GARS1: variants seen among roughly 807,000 people sequenced by gnomAD.
GARS1 encodes the protein glycine--tRNA ligase.
In GARS1, 46 loss-of-function variants were observed where a neutral mutation model predicts 86.4. The ratio of observed to expected loss-of-function variants is 0.53; its 90% CI spans 0.42 to 0.68. GARS1 has a LOEUF of 0.68. Among genes scored for constraint, GARS1 ranks in the 30% least tolerant of loss-of-function variants. GARS1 has a pLI of 0.00. For synonymous variants in GARS1, 342 were observed against 329.8 expected (o/e 1.04, Z -0.40); for missense variants, 797 against 915.6 (o/e 0.87, Z 1.67).
chr7:30,624,073 C>T lies in GARS1; in HGVS notation c.1613+1611C>T, dbSNP rs560389485. ...CTTTTGATGCTGCCCAACACAAATTCGTAAACTTTCAAAAAACATTATGAG... is the reference window on the plus strand; with the variant it reads ...CTTTTGATGCTGCCCAACACAAATTTGTAAACTTTCAAAAAACATTATGAG... On this transcript the variant is annotated intron_variant, in intron 12 of 16. Coordinates refer to ENST00000389266, the MANE Select transcript of GARS1 (RefSeq NM_002047.4). 3.3e-5 allele frequency among the ~76,000 whole-genome samples: 5 copies of T among 152,242 alleles called. No homozygotes were observed. The South Asian group carries it at 1.0e-3, about 32-fold the overall frequency.
intron 1 of GARS1, among the ~76,000 whole-genome samples, chr7:30,597,838 G>C (rs1229756015): frequency 2.0e-5 from 3 of 152,042 alleles, no homozygotes; most frequent in African/African-American, 7.2e-5. Context: ...GGTGCCCAAG[G>C]GCTATATCAA....
chr7:30,625,764 A>C (rs1311268066), intron 12 of GARS1, among the ~76,000 whole-genome samples: 3 of 152,198 alleles, frequency 2.0e-5, no homozygotes, highest in Admixed American at 2.0e-4. Flanking sequence ...AAATGTCCAA[A>C]TTTATTTTGA....
At chr7:30,631,909 T>G in intron 15 of GARS1, 1 of 394,192 alleles carries the variant, frequency 2.5e-6, no homozygotes, top group Non-Finnish European at 4.8e-6. Context: ...ATCTGGCACA[T>G]CCACTTATTT....
chr7:30,601,030 A>C (rs1791364146), intron 3 of GARS1, 29 bp from the exon 4 acceptor site: 1 of 1,611,232 alleles, frequency 6.2e-7, no homozygotes, highest in Non-Finnish European at 8.5e-7. Flanking sequence ...AACAAGGTAA[A>C]GTATGTGTTT....
chr7:30,616,088 T>C (rs1782885322), intron 9 of GARS1, 30 bp downstream of exon 9: 3 of 1,613,314 alleles, frequency 1.9e-6, no homozygotes, highest in Non-Finnish European at 2.5e-6. Flanking sequence ...TTAACTTAGA[T>C]TGTGCCTGTT....
intron 10 of GARS1, among the ~76,000 whole-genome samples, chr7:30,618,466 T>C (rs1186685095): frequency 6.6e-6 from 1 of 152,114 alleles, no homozygotes; most frequent in African/African-American, 2.4e-5. Flanking sequence ...AGACCCTGTC[T>C]CTACAAAAAA....
chr7:30,595,866 A>G (rs768762912), intron 1 of GARS1: 7 of 471,068 alleles, frequency 1.5e-5, no homozygotes, highest in Admixed American at 1.2e-4. Flanking sequence ...AACCTGGGAA[A>G]CTAAGTGTTG....
At chr7:30,621,266 G>T in intron 10 of GARS1, 127 bp from the exon 11 acceptor site, 1 of 818,922 alleles carries the variant, frequency 1.2e-6, no homozygotes, top group South Asian at 1.4e-5. Flanking sequence ...TATGAAATTT[G>T]AATGAAGATT....
Position 30,612,165 on chromosome 7 carries a change from A to C in GARS1, c.951A>C (p.Gly317=). ...AACGACTTTTGGAGTTCAACCAAGG[A>C]AAGTTGCCTTTTGCTGCTGCCCAGA... ...NFKRLLEFNQ[G]KLPFAAAQIG... The change falls in exon 8 of 17, where the codon GGA becomes GGC. Residue 317 remains glycine, a synonymous_variant. Coordinates refer to ENST00000389266, the MANE Select transcript of GARS1 (RefSeq NM_002047.4). 1 of 1,614,080 alleles carries C rather than the reference A, an allele frequency of 6.2e-7. No homozygotes were observed. The highest frequency in any genetic ancestry group is 2.2e-5 in the East Asian group (1 of 44,870).
intron 1 of GARS1, among the ~76,000 whole-genome samples, chr7:30,597,206 C>T (rs1196516503): frequency 2.0e-5 from 3 of 152,130 alleles, no homozygotes; most frequent in South Asian, 2.1e-4. Flanking sequence ...GGATAATCTG[C>T]GTAACTCAGT....
rs774076531 is a variant in GARS1, at chr7:30,609,653, T to A, written c.804T>A (p.Thr268=). 1 of 1,613,342 alleles carries A rather than the reference T, an allele frequency of 6.2e-7. No individual in the cohort carries two copies. The highest frequency in any genetic ancestry group is 8.5e-7 in the Non-Finnish European group (1 of 1,179,322). ...ACTATAATGTAAAATCTCCCATTAC[T>A]GGAAATGATCTATCCCCTCCAGTGT... ...FVNYNVKSPI[T]GNDLSPPVSF... The change falls in exon 7 of 17, where the codon ACT becomes ACA. Residue 268 remains threonine, a synonymous_variant. Transcript: ENST00000389266.
intron 6 of GARS1, among the ~76,000 whole-genome samples, chr7:30,603,774 A>G (rs1791428865): frequency 6.6e-6 from 1 of 152,146 alleles, no homozygotes; most frequent in South Asian, 2.1e-4. Flanking sequence ...TTTCAGCCCA[A>G]ACTAACAAGT....
intron 7 of GARS1, 136 bp from the exon 8 acceptor site, chr7:30,611,960 C>T: frequency 2.5e-6 from 2 of 800,418 alleles, no homozygotes; most frequent in Non-Finnish European, 4.3e-6. Flanking sequence ...ATTTCTAAAA[C>T]TTCATTTTAG....
At chr7:30,623,419 TTTA>T (rs1230314655) in intron 12 of GARS1, among the ~76,000 whole-genome samples, 1 of 152,160 alleles carries the variant, frequency 6.6e-6, no homozygotes, top group East Asian at 1.9e-4. Context: ...ACACATGTTT[TTTA>T]TATATATAAA....
chr7:30,632,837 A>G lies in GARS1; in HGVS notation c.2094+400A>G, dbSNP rs1783263664. ...TATGTATAAGCTTTTCCGTGTTCATATATTCAAAACAGTGAATCATGTTTC... is the reference window on the plus strand; with the variant it reads ...TATGTATAAGCTTTTCCGTGTTCATGTATTCAAAACAGTGAATCATGTTTC... On this transcript the variant is annotated intron_variant, in intron 16 of 16. Coordinates refer to ENST00000389266, the MANE Select transcript of GARS1 (RefSeq NM_002047.4). The surrounding 1 kb of genome is among the most constrained non-coding windows in gnomAD (Gnocchi z 4.1). Among the ~76,000 whole-genome samples the G allele has an allele frequency of 1.3e-5, 2 of 152,326 alleles. No homozygotes were observed. Among genetic ancestry groups the G allele is most frequent in the East Asian group, 1.9e-4 (1 of 5,188 alleles).
chr7:30,601,261 T>C (rs1339211884), intron 4 of GARS1, 61 bp downstream of exon 4: 7 of 1,352,198 alleles, frequency 5.2e-6, no homozygotes, highest in Non-Finnish European at 7.1e-6. Context: ...ATTAAATTAT[T>C]TAATATACTT....
chr7:30,611,946 A>G, intron 7 of GARS1, 150 bp from the exon 8 acceptor site: 1 of 741,192 alleles, frequency 1.3e-6, no homozygotes, highest in Admixed American at 2.2e-5. Context: ...CTACCGAGGA[A>G]AATATTTCTA....
chr7:30,632,626 A>T lies in GARS1; in HGVS notation c.2094+189A>T, dbSNP rs1019766833. ...TTTAATTATGAAAATATCCATTAGC[A>T]CTTCTCTAATATTTTATAAACATTT... On this transcript the variant is annotated intron_variant, in intron 16 of 16. Transcript: ENST00000389266. The surrounding 1 kb of genome is among the most constrained non-coding windows in gnomAD (Gnocchi z 4.1). Among the ~76,000 whole-genome samples the T allele has an allele frequency of 6.6e-6, 1 of 151,968 alleles. No individual in the cohort carries two copies. Among genetic ancestry groups the T allele is most frequent in the Non-Finnish European group, 1.5e-5 (1 of 68,002 alleles).
At chr7:30,595,885 A>AG (rs1791237119) in intron 1 of GARS1, 1 of 471,074 alleles carries the variant, frequency 2.1e-6, no homozygotes. Context: ...TGCGGAGTGA[A>AG]GTCAGCCATC....
Sources: allele counts gnomAD v4.1 joint callset (sites outside exome capture counted in the v4.1 genomes callset), GRCh38; gene constraint gnomAD v4.1.1; non-coding constraint Gnocchi (gnomAD v3.1); transcripts MANE v1.5; gene names NCBI Gene and HGNC (gene_info 2026-07-23, HGNC 2026-07-21).